Variants in IL17RD observed in about 807,000 individuals in gnomAD.
The protein encoded by IL17RD is interleukin 17 receptor D.
A neutral mutation model predicts 80.5 loss-of-function variants in IL17RD; 52 were observed. The observed-to-expected ratio is 0.65, with a 90% CI of 0.52 to 0.81. The LOEUF is 0.81. IL17RD is among the 40% of genes least tolerant of loss of function. IL17RD has a pLI of 0.00. For synonymous variants in IL17RD, 416 were observed against 391.8 expected, an observed-to-expected ratio of 1.06 and a Z score of -0.73; for missense variants, 1,024 against 955.1, an observed-to-expected ratio of 1.07 and a Z score of -0.95.
chr3:57,093,885 ACT>A lies in IL17RD; in HGVS notation c.*2506_*2507del, dbSNP rs1706611314. The A allele has an allele frequency of 6.6e-6, 1 of 152,226 alleles. No homozygotes were observed. Among genetic ancestry groups the A allele is most frequent in the Non-Finnish European group, 1.5e-5 (1 of 68,026 alleles). 9.4% of individuals were successfully genotyped at this position (152,226 alleles called of 1,614,324 possible). On this transcript the variant is annotated 3_prime_UTR_variant, in exon 13 of 13. Coordinates refer to ENST00000296318, the MANE Select transcript of IL17RD (RefSeq NM_017563.5). The stretch of plus-strand genomic sequence containing the variant: ...TGGTAAGTTAAGATGAACAACTAGC[ACT>A]CTACCTTCAGCTACCCGCAGGCTTC...
intron 1 of IL17RD, among the ~76,000 whole-genome samples, chr3:57,154,804 T>C (rs781121649): frequency 6.6e-6 from 1 of 152,206 alleles, no homozygotes; most frequent in Non-Finnish European, 1.5e-5. Flanking sequence ...CCTTCTCAAA[T>C]TAAAAAGGCA....
rs1559477347 is a variant in IL17RD, at chr3:57,127,379, AAT to A, written c.127-7068_127-7067del. 2.9e-4 allele frequency among the ~76,000 whole-genome samples: 24 copies of A among 82,236 alleles called. 2 individuals carry two copies. The highest frequency in any genetic ancestry group is 7.2e-4 in the South Asian group (2 of 2,782). The allele number at this position is 82,236 out of a possible 152,430, so 54.0% of individuals were successfully genotyped here. A position where few individuals can be genotyped will look rare whatever the true frequency, so the allele number is the denominator to read the frequency against. On this transcript the variant is annotated intron_variant, in intron 1 of 12. Transcript: ENST00000296318. ...ATATAAATATAAATATATATATATA[AAT>A]AAATAAATAAATAAATATATATATA...
Position 57,097,995 on chromosome 3 carries a change from G to A in IL17RD, c.1708C>T (p.Pro570Ser). The stretch of plus-strand genomic sequence containing the variant: ...ACTGGCTCCCGGTAGCGCAGTGGAG[G>A]AGGATGGAAGGGAACGAACTGCTTT... ...FEKQFVPFHP[P>S]PLRYREPVLE... Residue 570 changes from proline to serine, a missense_variant, in exon 12 of 13, where the codon CCT (proline) becomes TCT (serine). Coordinates refer to ENST00000296318, the MANE Select transcript of IL17RD (RefSeq NM_017563.5). 1 of 1,614,064 alleles carries A rather than the reference G, an allele frequency of 6.2e-7. No homozygotes were observed. The highest frequency in any genetic ancestry group is 8.5e-7 in the Non-Finnish European group (1 of 1,179,900).
chr3:57,136,261 C>T (rs74475322), intron 1 of IL17RD, among the ~76,000 whole-genome samples: 2,790 of 152,184 alleles, frequency 0.018, 83 homozygotes, highest in African/African-American at 0.061. Context: ...TGGTAAAAAA[C>T]GGTAAATTCC....
At chr3:57,111,239 T>C (rs1257305772) in intron 3 of IL17RD, among the ~76,000 whole-genome samples, 2 of 152,242 alleles carry the variant, frequency 1.3e-5, no homozygotes, top group Non-Finnish European at 2.9e-5. Flanking sequence ...GGAAATTTAT[T>C]GATGATAAAG....
chr3:57,169,527 A>C (rs2060361018), upstream of IL17RD: 1 of 206,038 alleles, frequency 4.9e-6, no homozygotes, highest in Non-Finnish European at 9.9e-6. Flanking sequence ...TTAGGGGTCA[A>C]ATTATCCCGT....
At chr3:57,165,105 C>A in intron 1 of IL17RD, 56 bp downstream of exon 1, 1 of 1,455,446 alleles carries the variant, frequency 6.9e-7, no homozygotes, top group African/African-American at 1.5e-5. Flanking sequence ...AGCACCTGTG[C>A]GCGCTGCGTC....
rs1034104083 is a variant in IL17RD, at chr3:57,106,237, G to C, written c.551-83C>G. 9 of 995,808 alleles carry C rather than the reference G, an allele frequency of 9.0e-6. No individual in the cohort carries two copies. In the Admixed American group the frequency reaches 1.2e-4, roughly 13 times the overall value. The allele number at this position is 995,808 out of a possible 1,614,324, so 61.7% of individuals were successfully genotyped here. A position where few individuals can be genotyped will look rare whatever the true frequency, so the allele number is the denominator to read the frequency against. On this transcript the variant is annotated intron_variant, in intron 5 of 12. Coordinates refer to ENST00000296318, the MANE Select transcript of IL17RD (RefSeq NM_017563.5). ...TCCCAACAACCCAATGAAATATAAA[G>C]ATACTGTGCCGGGTGATGCTAGAAA...
At chr3:57,159,241 T>G (rs2060287610) in intron 1 of IL17RD, among the ~76,000 whole-genome samples, 1 of 152,078 alleles carries the variant, frequency 6.6e-6, no homozygotes, top group Admixed American at 6.6e-5. Context: ...ATTCCCCCCT[T>G]GGATTTGTTT....
intron 11 of IL17RD, 49 bp from the exon 12 acceptor site, chr3:57,098,587 G>C: frequency 7.7e-7 from 1 of 1,290,600 alleles, no homozygotes; most frequent in South Asian, 1.4e-5. Flanking sequence ...TCGGGAAGAG[G>C]CTCGGGAAGT....
intron 2 of IL17RD, among the ~76,000 whole-genome samples, chr3:57,119,118 C>G (rs1268471379): frequency 6.6e-6 from 1 of 151,706 alleles, no homozygotes; most frequent in Non-Finnish European, 1.5e-5. Context: ...TTTGGGAGGC[C>G]GAGGCAGGAG....
At chr3:57,102,168 G>A (rs1706846198) in intron 10 of IL17RD, among the ~76,000 whole-genome samples, 1 of 152,220 alleles carries the variant, frequency 6.6e-6, no homozygotes, top group Admixed American at 6.5e-5. Flanking sequence ...ACCTCAGGGG[G>A]CTGAAGTGGG....
In IL17RD at chr3:57,098,173, G is replaced by C. The variant is rs758956467; in HGVS notation, c.1530C>G (p.His510Gln). The change falls in exon 12 of 13, where the codon CAC becomes CAG. Residue 510 changes from histidine (H) to glutamine (Q), a missense_variant. His to Gln is a conservative substitution (Grantham distance 24). Transcript: ENST00000296318. ...GGAGGCCGTGGTCTCGGGAGTGCAA[G>C]TGGGAACAGAGCTGAGGAAGATTGT... ...LMDNLPQLCS[H>Q]LHSRDHGLQE... is the part of the protein sequence containing the mutation. The C allele has an allele frequency of 1.9e-6, 3 of 1,613,956 alleles. No homozygotes were observed. In the Admixed American group the frequency reaches 5.0e-5, roughly 27 times the overall value.
chr3:57,163,780 TGGGGCGGG>T (rs1465778903), intron 1 of IL17RD, among the ~76,000 whole-genome samples: 3 of 9,558 alleles, frequency 3.1e-4, no homozygotes, highest in Admixed American at 1.3e-3. Context: ...CAGAGCCTAA[TGGGGCGGG>T]GGGGCGGGGG....
intron 1 of IL17RD, among the ~76,000 whole-genome samples, chr3:57,136,323 A>T (rs958168925): frequency 6.6e-6 from 1 of 152,208 alleles, no homozygotes; most frequent in African/African-American, 2.4e-5. Context: ...GGAAGAAGAA[A>T]GAATGAGCTC....
At chr3:57,127,395 A>AAT (rs369292371) in intron 1 of IL17RD, among the ~76,000 whole-genome samples, 15,568 of 86,474 alleles carry the variant, frequency 0.18, 2,820 homozygotes, top group Middle Eastern at 0.22. Context: ...TAAATAAATA[A>AAT]ATATATATAT....
At chr3:57,120,231 T>C in intron 2 of IL17RD, 25 bp downstream of exon 2, 1 of 1,574,262 alleles carries the variant, frequency 6.4e-7, no homozygotes, top group Non-Finnish European at 8.7e-7. Flanking sequence ...GGCTCCATTC[T>C]TCAGCAATAA....
Position 57,097,850 on chromosome 3 carries a change from G to C in IL17RD, c.1853C>G (p.Ser618Cys), listed in dbSNP as rs763214399. The change falls in exon 12 of 13, where the codon TCC (serine) becomes TGC (cysteine). Residue 618 changes from serine (S) to cysteine (C), a missense_variant. By Grantham distance (112) the Ser-to-Cys change is moderately radical (BLOSUM62 -1). Transcript: ENST00000296318. The stretch of plus-strand genomic sequence containing the variant: ...GCCCCCATGCTGACTCTCGTGCTGG[G>C]AGTCGGCTGGTCCGGTTGCCCCAAG... ...AVLGATGPAD[S>C]QHESQHGGLD... is the part of the protein sequence containing the mutation. 67 of 1,613,230 alleles carry C rather than the reference G, an allele frequency of 4.2e-5. 1 individual carries two copies. The South Asian group carries it at 6.8e-4, about 16-fold the overall frequency.
At chr3:57,104,470 C>T in intron 7 of IL17RD, 63 bp from the exon 8 acceptor site, 1 of 1,082,630 alleles carries the variant, frequency 9.2e-7, no homozygotes, top group Non-Finnish European at 1.4e-6. Context: ...CAGGACACCT[C>T]TTCTCCCCCA....
Sources: gnomAD v4.1 joint callset for allele counts (sites outside exome capture counted in the v4.1 genomes callset) on GRCh38, gnomAD v4.1.1 for gene constraint, MANE v1.5 for transcripts, NCBI Gene and HGNC (gene_info 2026-07-23, HGNC 2026-07-21) for gene names.